The following TRIM17 variants were observed in gnomAD, a reference collection of about 807,000 sequenced individuals.
TRIM17 encodes the protein tripartite motif containing 17, also known as E3 ubiquitin-protein ligase TRIM17.
A neutral mutation model predicts 35.8 loss-of-function variants in TRIM17; 27 were observed. That is an observed-to-expected ratio of 0.75 (90% CI 0.56 to 1.04). The LOEUF is 1.04. TRIM17 is among the 50% of genes least tolerant of loss of function. TRIM17 has a pLI of 0.00. For synonymous variants in TRIM17, 246 were observed against 252.6 expected (o/e 0.97, Z 0.25); for missense variants, 582 against 612.8 (o/e 0.95, Z 0.53).
At chr1:228,415,157 C>T in intron 1 of TRIM17, 44 bp from the exon 2 acceptor site, 1 of 1,461,550 alleles carries the variant, frequency 6.8e-7, no homozygotes, top group Non-Finnish European at 9.1e-7. Flanking sequence ...TGGGCGCCGG[C>T]AGTGTGCAAC....
Position 228,413,839 on chromosome 1 carries a change from C to T in TRIM17, c.483G>A (p.Gly161=). The change falls in exon 3 of 7, where the codon GGG becomes GGA. Residue 161 remains glycine, a synonymous_variant. Transcript: ENST00000366698. ...TCTGCTCCTCCCTGGCCTGCAGATT[C>T]CCTGTCCTGGTGATCTGCTCCCGAA... is the stretch of plus-strand genomic sequence containing the variant. The part of the protein sequence containing the change: ...EYLREQITRT[G]NLQAREEQSL... The T allele has an allele frequency of 6.2e-7, 1 of 1,614,200 alleles. No individual in the cohort carries two copies. Among genetic ancestry groups the T allele is most frequent in the South Asian group, 1.1e-5 (1 of 91,084 alleles).
Position 228,407,968 on chromosome 1 carries a change from T to C in TRIM17, c.*233A>G, listed in dbSNP as rs1322085480. 3 of 364,622 alleles carry C rather than the reference T, an allele frequency of 8.2e-6. No homozygotes were observed. Among genetic ancestry groups the C allele is most frequent in the Non-Finnish European group, 1.5e-5 (3 of 205,836 alleles). 22.6% of individuals were successfully genotyped at this position (364,622 alleles called of 1,614,324 possible). ...GTGTAGGTATGGATTTAGAAATCGG[T>C]CCACTCAGAACGCAGGGGCTTTCAA... On this transcript the variant is annotated 3_prime_UTR_variant, in exon 7 of 7. Coordinates refer to ENST00000366698, the MANE Select transcript of TRIM17 (RefSeq NM_016102.4).
rs1558461221 is a variant in TRIM17 at position 228,416,663 on chromosome 1, G to A, written c.-166C>T. ...CCCGGCCCGGGGCGTGGGGACCTGG[G>A]GTCGGGAGGCCTAGGGACTTTGTGG... is the stretch of plus-strand genomic sequence containing the variant. On this transcript the variant is annotated 5_prime_UTR_variant, in exon 1 of 7. Coordinates refer to ENST00000366698, the MANE Select transcript of TRIM17 (RefSeq NM_016102.4). The A allele has an allele frequency of 1.0e-6, 1 of 985,082 alleles. No homozygotes were observed. The allele number at this position is 985,082 out of a possible 1,614,324, so 61.0% of individuals were successfully genotyped here.
chr1:228,408,260 C>A lies in TRIM17; in HGVS notation c.1375G>T (p.Gly459Trp), dbSNP rs1447880263. Reference protein sequence around the residue: ...PGPLQPFFCLGAPKSGQMVIS... With the variant: ...PGPLQPFFCLWAPKSGQMVIS... The stretch of plus-strand genomic sequence containing the variant: ...ACCATCTGACCAGACTTCGGAGCCC[C>A]CAGGCAGAAGAAAGGCTGCAGGGGG... The change falls in exon 7 of 7, where the codon GGG becomes TGG. Residue 459 changes from glycine to tryptophan, a missense_variant. Gly to Trp is a radical substitution (Grantham distance 184). Transcript: ENST00000366698. This position sits in a 1 kb window ranked among gnomAD's most constrained non-coding sequence, Gnocchi z 6.3. The A allele has an allele frequency of 6.3e-7, 1 of 1,580,996 alleles. No homozygotes were observed. Among genetic ancestry groups the A allele is most frequent in the African/African-American group, 1.3e-5 (1 of 74,248 alleles).
At position 228,411,123 on chromosome 1, in the gene TRIM17, G is replaced by T. The variant is rs994225076; in HGVS notation, c.579C>A (p.Asn193Lys). The T allele has an allele frequency of 1.2e-6, 2 of 1,613,980 alleles. No individual in the cohort carries two copies. Among genetic ancestry groups the T allele is most frequent in the Non-Finnish European group, 1.7e-6 (2 of 1,179,986 alleles). ...TCTGCTCTTCTTCCACCAGGTAGAG[G>T]TTCATCTTCTCAAACTCCAGCACAA... ...ERIVLEFEKM[N>K]LYLVEEEQRL... The change falls in exon 4 of 7, where the codon AAC (asparagine) becomes AAA (lysine). Residue 193 changes from asparagine to lysine, a missense_variant. Transcript: ENST00000366698. The surrounding 1 kb of genome is among the most constrained non-coding windows in gnomAD (Gnocchi z 4.2).
Position 228,408,404 on chromosome 1 carries a change from G to A in TRIM17, c.1231C>T (p.Leu411=), listed in dbSNP as rs115603275. 2.9e-3 allele frequency: 4,734 copies of A among 1,614,182 alleles called. 16 individuals carry two copies. Among genetic ancestry groups the A allele is most frequent in the Non-Finnish European group, 3.1e-3 (3,612 of 1,180,010 alleles). ...STFSALTPVM[L]MEPPSHMGIF... ...CCCATGTGGCTGGGAGGCTCCATCA[G>A]CATGACCGGGGTTAGGGCAGAGAAG... The change falls in exon 7 of 7, where the codon CTG becomes TTG. Residue 411 remains leucine, a synonymous_variant. Coordinates refer to ENST00000366698, the MANE Select transcript of TRIM17 (RefSeq NM_016102.4). This position sits in a 1 kb window ranked among gnomAD's most constrained non-coding sequence, Gnocchi z 6.3.
In TRIM17 at chr1:228,413,806, G is replaced by C; in HGVS notation, c.516C>G (p.Ala172=). 1 of 1,614,118 alleles carries C rather than the reference G, an allele frequency of 6.2e-7. No homozygotes were observed. The highest frequency in any genetic ancestry group is 8.5e-7 in the Non-Finnish European group (1 of 1,179,970). Residue 172 remains alanine (A), a synonymous_variant, in exon 3 of 7, where the codon GCC becomes GCG. Coordinates refer to ENST00000366698, the MANE Select transcript of TRIM17 (RefSeq NM_016102.4). ...AGCCCTGGGCACCCACCTGCCACTC[G>C]GCTAAGCTCTGCTCCTCCCTGGCCT... ...NLQAREEQSL[A]EWQGKVKERR...
Position 228,414,722 on chromosome 1 carries a change from G to T in TRIM17, c.351C>A (p.Ile117=). 1 of 1,612,512 alleles carries T rather than the reference G, an allele frequency of 6.2e-7. No individual in the cohort carries two copies. The highest frequency in any genetic ancestry group is 8.5e-7 in the Non-Finnish European group (1 of 1,180,030). Residue 117 remains isoleucine, a synonymous_variant, in exon 2 of 7, where the codon ATC becomes ATA. Coordinates refer to ENST00000366698, the MANE Select transcript of TRIM17 (RefSeq NM_016102.4). ...CCCGGGACTCCCTGCACACCACACA[G>T]ATGGGGCTCTGGTCCTTCTGGCAGA... ...KLFCQKDQSP[I]CVVCRESREH... is the part of the protein sequence containing the mutation.
Position 228,408,113 on chromosome 1 carries a change from A to C in TRIM17, c.*88T>G. The C allele has an allele frequency of 7.5e-7, 1 of 1,329,562 alleles. No homozygotes were observed. Among genetic ancestry groups the C allele is most frequent in the Non-Finnish European group, 1.0e-6 (1 of 980,608 alleles). 82.4% of individuals were successfully genotyped at this position (1,329,562 alleles called of 1,614,324 possible). A position where few individuals can be genotyped will look rare whatever the true frequency, so the allele number is the denominator to read the frequency against. ...GTCTAATGGCTGCCAGCGTGATGCC[A>C]GAGAACCCTGGCAGGTGGCCTGCAG... On this transcript the variant is annotated 3_prime_UTR_variant, in exon 7 of 7. Coordinates refer to ENST00000366698, the MANE Select transcript of TRIM17 (RefSeq NM_016102.4). The surrounding 1 kb of genome is among the most constrained non-coding windows in gnomAD (Gnocchi z 6.3).
At position 228,416,522 on chromosome 1, in the gene TRIM17, G is replaced by A; in HGVS notation, c.-42+17C>T. The A allele has an allele frequency of 2.0e-6, 2 of 985,720 alleles. No homozygotes were observed. The highest frequency in any genetic ancestry group is 9.4e-5 in the South Asian group (2 of 21,286). 61.1% of individuals were successfully genotyped at this position (985,720 alleles called of 1,614,324 possible). On this transcript the variant is annotated intron_variant, in intron 1 of 6. Coordinates refer to ENST00000366698, the MANE Select transcript of TRIM17 (RefSeq NM_016102.4). The stretch of plus-strand genomic sequence containing the variant: ...CCACAGGAGGGTAGCCTAGGCGGCG[G>A]GGTGGGGGCTACTCACCGCGGGGAA...
At position 228,411,174 on chromosome 1, in the gene TRIM17, GC is replaced by G; in HGVS notation, c.527del (p.Gly176AlafsTer3). 6.2e-6 allele frequency: 10 copies of G among 1,605,656 alleles called. No individual in the cohort carries two copies. The highest frequency in any genetic ancestry group is 8.5e-6 in the Non-Finnish European group (10 of 1,175,978). On this transcript the variant is annotated frameshift_variant and splice_region_variant, in exon 4 of 7. Transcript: ENST00000366698. LOFTEE classifies it high-confidence loss of function. This position sits in a 1 kb window ranked among gnomAD's most constrained non-coding sequence, Gnocchi z 4.2. ...TGCGTTCTCTCCGCTCCTTCACCTTGCCCTGCAGGAGTGGAGAAGCCCAGCA... is the reference window on the plus strand; with the variant it reads ...TGCGTTCTCTCCGCTCCTTCACCTTGCCTGCAGGAGTGGAGAAGCCCAGCA... ...REEQSLAEWQ[G>X]KVKERRERIV...
chr1:228,414,999 T>C lies in TRIM17; in HGVS notation c.74A>G (p.Asp25Gly), dbSNP rs1482009496. The part of the protein sequence containing the change: ...TCSICLDYFT[D>G]PVMTTCGHNF... ...GTGGCCACAGGTGGTCATCACAGGG[T>C]CTGTGAAGTAATCCAGACAGATGGA... Residue 25 changes from aspartate to glycine, a missense_variant, in exon 2 of 7, where the codon GAC (aspartate) becomes GGC (glycine). Transcript: ENST00000366698. The C allele has an allele frequency of 6.2e-7, 1 of 1,612,892 alleles. No individual in the cohort carries two copies. Among genetic ancestry groups the C allele is most frequent in the Admixed American group, 1.7e-5 (1 of 60,008 alleles).
chr1:228,409,087 T>C, intron 6 of TRIM17, 85 bp downstream of exon 6: 1 of 1,613,576 alleles, frequency 6.2e-7, no homozygotes, highest in Non-Finnish European at 8.5e-7. Context: ...ACCCCCCCCA[T>C]TGGTGGCTTC....
intron 3 of TRIM17, among the ~76,000 whole-genome samples, chr1:228,412,335 C>A (rs1018657504): frequency 1.1e-4 from 17 of 151,592 alleles, no homozygotes; most frequent in African/African-American, 4.1e-4. Flanking sequence ...TGCACCCCGA[C>A]GACACCTGCA....
At position 228,415,029 on chromosome 1, in the gene TRIM17, G is replaced by A. The variant is rs1225649267; in HGVS notation, c.44C>T (p.Thr15Met). The A allele has an allele frequency of 2.5e-6, 4 of 1,609,938 alleles. No homozygotes were observed. In the African/African-American group the frequency reaches 4.0e-5, roughly 16 times the overall value. The change falls in exon 2 of 7, where the codon ACG becomes ATG. Residue 15 changes from threonine (T) to methionine (M), a missense_variant. Physicochemically the swap from Thr to Met is moderately conservative, Grantham distance 81. Transcript: ENST00000366698. The stretch of plus-strand genomic sequence containing the variant: ...GAAGTAATCCAGACAGATGGAGCAC[G>A]TAGCTTCCTCCTGCAGTTTTCTGGC... ...ELARKLQEEA[T>M]CSICLDYFTD...
Position 228,408,343 on chromosome 1 carries a change from A to G in TRIM17, c.1292T>C (p.Phe431Ser). Reference protein sequence around the residue: ...FLDFEAGEVSFYSVSDGSHLH... With the variant: ...FLDFEAGEVSSYSVSDGSHLH... ...GTGGGACCCATCGCTTACACTGTAGAAGGACACTTCCCCGGCTTCGAAGTC... is the reference window on the plus strand; with the variant it reads ...GTGGGACCCATCGCTTACACTGTAGGAGGACACTTCCCCGGCTTCGAAGTC... The change falls in exon 7 of 7, where the codon TTC becomes TCC. Residue 431 changes from phenylalanine to serine, a missense_variant. Physicochemically the swap from Phe to Ser is radical, Grantham distance 155. Coordinates refer to ENST00000366698, the MANE Select transcript of TRIM17 (RefSeq NM_016102.4). This position sits in a 1 kb window ranked among gnomAD's most constrained non-coding sequence, Gnocchi z 6.3. The G allele has an allele frequency of 6.2e-7, 1 of 1,612,720 alleles. No individual in the cohort carries two copies. Among genetic ancestry groups the G allele is most frequent in the Non-Finnish European group, 8.5e-7 (1 of 1,179,974 alleles).
intron 4 of TRIM17, chr1:228,409,823 C>A (rs1656681101): frequency 5.1e-6 from 1 of 196,392 alleles, no homozygotes; most frequent in Non-Finnish European, 1.0e-5. Flanking sequence ...GACTGAGGCA[C>A]CTGGGGATTT....
rs1574104784 is a variant in TRIM17 at position 228,416,676 on chromosome 1, A to G, written c.-179T>C. On this transcript the variant is annotated 5_prime_UTR_variant, in exon 1 of 7. Coordinates refer to ENST00000366698, the MANE Select transcript of TRIM17 (RefSeq NM_016102.4). ...GTGGGGACCTGGGGTCGGGAGGCCT[A>G]GGGACTTTGTGGCGTCAGCGGGGGC... 1 of 875,484 alleles carries G rather than the reference A, an allele frequency of 1.1e-6. No individual in the cohort carries two copies. Among genetic ancestry groups the G allele is most frequent in the Non-Finnish European group, 1.3e-6 (1 of 776,646 alleles). The allele number at this position is 875,484 out of a possible 1,614,324, so 54.2% of individuals were successfully genotyped here.
intron 4 of TRIM17, among the ~76,000 whole-genome samples, chr1:228,409,947 G>A (rs972094862): frequency 6.6e-6 from 1 of 152,142 alleles, no homozygotes; most frequent in Non-Finnish European, 1.5e-5. Flanking sequence ...TTGCCAGAGC[G>A]TGACCCTAAC....
Sources: gnomAD v4.1 joint callset for allele counts (sites outside exome capture counted in the v4.1 genomes callset) on GRCh38, gnomAD v4.1.1 for gene constraint, Gnocchi (gnomAD v3.1) non-coding constraint, MANE v1.5 for transcripts, NCBI Gene and HGNC (gene_info 2026-07-23, HGNC 2026-07-21) for gene names.